ACVR1: variants seen among roughly 807,000 people sequenced by gnomAD.
ACVR1 encodes activin A receptor type 1.
A neutral mutation model predicts 57.1 loss-of-function variants in ACVR1; 38 were observed. The ratio of observed to expected loss-of-function variants is 0.67; its 90% CI spans 0.51 to 0.87. The LOEUF is 0.87. Ranked by LOEUF, ACVR1 falls within the 40% of genes least tolerant of loss-of-function variation. The pLI is 0.00. For synonymous variants in ACVR1, 212 were observed against 228.1 expected (o/e 0.93, Z 0.63); for missense variants, 463 against 638.2 (o/e 0.73, Z 2.96).
At chr2:157,781,112 C>T (rs1405818004) in intron 3 of ACVR1, among the ~76,000 whole-genome samples, 1 of 152,206 alleles carries the variant, frequency 6.6e-6, no homozygotes, top group Non-Finnish European at 1.5e-5. Flanking sequence ...CTTGCAGGTA[C>T]ATGGCAGAAA....
intron 4 of ACVR1, among the ~76,000 whole-genome samples, chr2:157,779,547 C>T (rs973829036): frequency 1.3e-5 from 2 of 152,162 alleles, no homozygotes; most frequent in Non-Finnish European, 2.9e-5. Context: ...GGATGCTCGT[C>T]GTTACCTCTC....
At chr2:157,754,048 T>G (rs568673281) in intron 9 of ACVR1, among the ~76,000 whole-genome samples, 1 of 152,292 alleles carries the variant, frequency 6.6e-6, no homozygotes, top group South Asian at 2.1e-4. Flanking sequence ...AATTAAACAT[T>G]TCTTTGAACT....
intron 9 of ACVR1, among the ~76,000 whole-genome samples, chr2:157,752,151 A>G (rs575729670): frequency 6.6e-6 from 1 of 152,244 alleles, no homozygotes; most frequent in East Asian, 1.9e-4. Flanking sequence ...ACACCCCCCA[A>G]TACCACCTGG....
In ACVR1 at chr2:157,857,877, ACT is replaced by A. The variant is rs1689589291; in HGVS notation, c.-183+17917_-183+17918del. Among the ~76,000 whole-genome samples the A allele has an allele frequency of 2.0e-5, 3 of 152,096 alleles. No individual in the cohort carries two copies. The South Asian group carries it at 6.2e-4, about 32-fold the overall frequency. ...AAGGGATTTTATGGAGCCCCAGGTA[ACT>A]CTGGCACTTTTTCTGTGAATGTGTG... On this transcript the variant is annotated intron_variant, in intron 1 of 10. Transcript: ENST00000434821.
intron 5 of ACVR1, among the ~76,000 whole-genome samples, chr2:157,774,480 T>C (rs1270180377): frequency 6.6e-6 from 1 of 152,198 alleles, no homozygotes; most frequent in Non-Finnish European, 1.5e-5. Flanking sequence ...TTCTCCTGCC[T>C]CAGCCTCCCA....
intron 1 of ACVR1, among the ~76,000 whole-genome samples, chr2:157,854,731 A>C (rs931184939): frequency 6.6e-6 from 1 of 150,684 alleles, no homozygotes; most frequent in African/African-American, 2.4e-5. Flanking sequence ...TCAAAAAAAA[A>C]AAAAAAGAGT....
intron 1 of ACVR1, among the ~76,000 whole-genome samples, chr2:157,838,839 C>G (rs922761865): frequency 6.6e-6 from 1 of 152,156 alleles, no homozygotes; most frequent in African/African-American, 2.4e-5. Context: ...GTCTCCAATC[C>G]TGGTCCTTTC....
At chr2:157,867,915 G>A (rs1364288290) in intron 1 of ACVR1, among the ~76,000 whole-genome samples, 1 of 152,102 alleles carries the variant, frequency 6.6e-6, no homozygotes, top group East Asian at 1.9e-4. Flanking sequence ...TGGAGTGTGA[G>A]TGAGCATTAA....
At chr2:157,805,189 T>G (rs192322453) in intron 2 of ACVR1, among the ~76,000 whole-genome samples, 10 of 152,326 alleles carry the variant, frequency 6.6e-5, no homozygotes, top group African/African-American at 2.4e-4. Flanking sequence ...AGGGGAAAGT[T>G]GTAAGATGAA....
intron 1 of ACVR1, among the ~76,000 whole-genome samples, chr2:157,820,789 T>C (rs1688135786): frequency 6.6e-6 from 1 of 152,190 alleles, no homozygotes; most frequent in Non-Finnish European, 1.5e-5. Context: ...TAGCACTTAA[T>C]TCTCTGCCAT....
chr2:157,753,349 G>A (rs901620174), intron 9 of ACVR1, among the ~76,000 whole-genome samples: 2 of 152,260 alleles, frequency 1.3e-5, no homozygotes, highest in Middle Eastern at 3.4e-3. Flanking sequence ...CCAAAATGGT[G>A]AAACCCTGTT....
chr2:157,761,261 G>A (rs1335971592), intron 8 of ACVR1, among the ~76,000 whole-genome samples, 184 bp from the exon 9 acceptor site: 1 of 152,140 alleles, frequency 6.6e-6, no homozygotes, highest in Non-Finnish European at 1.5e-5. Context: ...GCAGAAAAGG[G>A]ACTAAATGTC....
In ACVR1 at chr2:157,865,821, A is replaced by AGAAAAAAGAT. The variant is rs762418239; in HGVS notation, c.-183+9974_-183+9975insATCTTTTTTC. Reference sequence around the variant, plus strand: ...AAAAAAAAAAAAAAGAAAAAGAAAAAAGATAGATAGATAGATAGATAGATA... The same window carrying AGAAAAAAGAT: ...AAAAAAAAAAAAAAGAAAAAGAAAAAGAAAAAAGATAGATAGATAGATAGATAGATAGATA... On this transcript the variant is annotated intron_variant, in intron 1 of 10. Transcript: ENST00000434821. Among the ~76,000 whole-genome samples the AGAAAAAAGAT allele has an allele frequency of 2.5e-3, 344 of 137,020 alleles. 2 individuals are homozygous for AGAAAAAAGAT. Among genetic ancestry groups the AGAAAAAAGAT allele is most frequent in the African/African-American group, 8.8e-3 (321 of 36,592 alleles). The allele number at this position is 137,020 out of a possible 152,430, so 89.9% of individuals were successfully genotyped here. A position where few individuals can be genotyped will look rare whatever the true frequency, so the allele number is the denominator to read the frequency against.
rs1573999024 is a variant in ACVR1 at position 157,736,854 on chromosome 2, T to C, written c.*677A>G. 3.0e-6 allele frequency: 1 copy of C among 332,260 alleles called. No homozygotes were observed. Among genetic ancestry groups the C allele is most frequent in the South Asian group, 1.4e-4 (1 of 7,062 alleles). 20.6% of individuals were successfully genotyped at this position (332,260 alleles called of 1,614,324 possible). ...GCTTTAACATATGCACAAAGCAGTTTTGTAAAAACTACTAAGTGCACAAGT... is the reference window on the plus strand; with the variant it reads ...GCTTTAACATATGCACAAAGCAGTTCTGTAAAAACTACTAAGTGCACAAGT... On this transcript the variant is annotated 3_prime_UTR_variant, in exon 11 of 11. Coordinates refer to ENST00000434821, the MANE Select transcript of ACVR1 (RefSeq NM_001111067.4).
intron 1 of ACVR1, among the ~76,000 whole-genome samples, chr2:157,856,908 A>G (rs1270232809): frequency 6.6e-6 from 1 of 152,162 alleles, no homozygotes; most frequent in Non-Finnish European, 1.5e-5. Context: ...TTGAAAATAT[A>G]CAATCCTGGG....
chr2:157,798,893 T>TTTTA (rs746622675), intron 3 of ACVR1, among the ~76,000 whole-genome samples: 22 of 151,642 alleles, frequency 1.5e-4, no homozygotes, highest in African/African-American at 5.1e-4. Context: ...TCCTTTATAT[T>TTTTA]TTTATTTATT....
intron 5 of ACVR1, among the ~76,000 whole-genome samples, chr2:157,774,943 A>G (rs1686222448): frequency 6.6e-6 from 1 of 152,164 alleles, no homozygotes; most frequent in Admixed American, 6.5e-5. Flanking sequence ...ATATTTTGCT[A>G]TTCTCACTAA....
chr2:157,772,670 C>T (rs1196741878), intron 6 of ACVR1, among the ~76,000 whole-genome samples: 3 of 152,128 alleles, frequency 2.0e-5, no homozygotes, highest in Non-Finnish European at 4.4e-5. Flanking sequence ...GGGAAATGTA[C>T]CCCTTCAATG....
At chr2:157,799,024 G>A (rs1484356011) in intron 3 of ACVR1, among the ~76,000 whole-genome samples, 1 of 151,910 alleles carries the variant, frequency 6.6e-6, no homozygotes, top group Non-Finnish European at 1.5e-5. Context: ...AGCCTCCCAA[G>A]TAGCTGGGAT....
Sources: allele counts gnomAD v4.1 joint callset (sites outside exome capture counted in the v4.1 genomes callset), GRCh38; gene constraint gnomAD v4.1.1; transcripts MANE v1.5; gene names NCBI Gene and HGNC (gene_info 2026-07-23, HGNC 2026-07-21).